The following IGF2BP3 variants were observed in gnomAD, a reference collection of about 807,000 sequenced individuals.
The protein encoded by IGF2BP3 is insulin-like growth factor 2 mRNA-binding protein 3.
IGF2BP3 carries 9 observed loss-of-function variants against 73.8 expected under a neutral mutation model. The observed-to-expected ratio is 0.12, with a 90% CI of 0.07 to 0.21. IGF2BP3 has a LOEUF of 0.21. Among genes scored for constraint, IGF2BP3 ranks in the 10% least tolerant of loss-of-function variants. The pLI, the probability that IGF2BP3 is intolerant of heterozygous loss-of-function variation, is 1.00. For missense variants in IGF2BP3, 542 were observed against 714.0 expected (o/e 0.76, Z 2.75); for synonymous variants, 258 against 256.7 (o/e 1.01, Z -0.05).
chr7:23,370,683 G>GT (rs547962107), intron 3 of IGF2BP3, among the ~76,000 whole-genome samples: 5,725 of 143,510 alleles, frequency 0.04, 252 homozygotes, highest in East Asian at 0.12. Flanking sequence ...TGGTTTTTTT[G>GT]TTTTTTTTTT....
chr7:23,354,103 C>G (rs528135040), intron 5 of IGF2BP3, among the ~76,000 whole-genome samples: 1 of 152,178 alleles, frequency 6.6e-6, no homozygotes, highest in Non-Finnish European at 1.5e-5. Flanking sequence ...AAGCAATTCT[C>G]CTGCCTCGGC....
chr7:23,352,953 TTGTG>T (rs201298469), intron 5 of IGF2BP3, among the ~76,000 whole-genome samples: 3 of 152,184 alleles, frequency 2.0e-5, no homozygotes, highest in East Asian at 3.8e-4. Flanking sequence ...TGTATTCATT[TTGTG>T]TGTGTGTGTT....
intron 3 of IGF2BP3, 128 bp downstream of exon 3, chr7:23,418,648 G>C: frequency 1.8e-6 from 1 of 545,286 alleles, no homozygotes; most frequent in Non-Finnish European, 3.3e-6. Context: ...ACCAAGGCAC[G>C]GGTCATAGGA....
chr7:23,466,827 AT>A (rs1788576964), intron 2 of IGF2BP3, among the ~76,000 whole-genome samples: 1 of 152,234 alleles, frequency 6.6e-6, no homozygotes, highest in Non-Finnish European at 1.5e-5. Context: ...AATTGTAAAA[AT>A]CCAAAACATT....
At chr7:23,345,157 T>C (rs1784799846) in intron 8 of IGF2BP3, among the ~76,000 whole-genome samples, 1 of 152,186 alleles carries the variant, frequency 6.6e-6, no homozygotes. Context: ...AGTTCATCAA[T>C]CTTTTCCCAC....
At chr7:23,385,206 A>C (rs1786043935) in intron 3 of IGF2BP3, among the ~76,000 whole-genome samples, 1 of 152,220 alleles carries the variant, frequency 6.6e-6, no homozygotes, top group African/African-American at 2.4e-5. Context: ...GGCTGCTAAC[A>C]TTACAAAAAG....
intron 2 of IGF2BP3, among the ~76,000 whole-genome samples, chr7:23,448,444 C>T (rs1788115539): frequency 6.6e-6 from 1 of 152,178 alleles, no homozygotes; most frequent in Non-Finnish European, 1.5e-5. Flanking sequence ...GGATCTCACT[C>T]TGTTGCTCAG....
At position 23,331,859 on chromosome 7, in the gene IGF2BP3, G is replaced by GAAAA. The variant is rs35506768; in HGVS notation, c.1203+10201_1203+10204dup. 4.1e-4 allele frequency among the ~76,000 whole-genome samples: 39 copies of GAAAA among 96,024 alleles called. No individual in the cohort carries two copies. The South Asian group carries it at 0.011, about 28-fold the overall frequency. 63.0% of individuals were successfully genotyped at this position (96,024 alleles called of 152,430 possible). On this transcript the variant is annotated intron_variant, in intron 10 of 14. Coordinates refer to ENST00000258729, the MANE Select transcript of IGF2BP3 (RefSeq NM_006547.3). Reference sequence around the variant, plus strand: ...TGGGTGACAGAGCGAAACTGTCTCAGAAAAAAAAAAAAAAGAAAAAAAAAA... The same window carrying GAAAA: ...TGGGTGACAGAGCGAAACTGTCTCAGAAAAAAAAAAAAAAAAAAGAAAAAAAAAA...
chr7:23,368,920 T>TA (rs955041038), intron 3 of IGF2BP3, among the ~76,000 whole-genome samples: 6 of 150,594 alleles, frequency 4.0e-5, no homozygotes, highest in East Asian at 3.9e-4. Context: ...AAAAAAAACT[T>TA]AAAAAAAAAT....
In IGF2BP3 at chr7:23,351,472, C is replaced by T. The variant is rs1360943652; in HGVS notation, c.516G>A (p.Arg172=). ...QNPLQQPRGR[R]GLGQRGSSRQ... The stretch of plus-strand genomic sequence containing the variant: ...TTGAGGAGCCCCTCTGCCCAAGCCC[C>T]CGGCGACCTCGGGGCTGCTGCAAGG... Residue 172 remains arginine, a synonymous_variant, in exon 6 of 15, where the codon CGG becomes CGA. Transcript: ENST00000258729. The T allele has an allele frequency of 7.4e-6, 12 of 1,613,842 alleles. No individual in the cohort carries two copies. The Admixed American group carries it at 2.0e-4, about 27-fold the overall frequency.
At chr7:23,323,527 C>A (rs1376826624) in intron 10 of IGF2BP3, among the ~76,000 whole-genome samples, 3 of 147,360 alleles carry the variant, frequency 2.0e-5, no homozygotes, top group East Asian at 1.9e-4. Flanking sequence ...AGAAAGTCAA[C>A]AAGGATACCC....
chr7:23,339,345 A>G (rs1368781335), intron 10 of IGF2BP3, among the ~76,000 whole-genome samples: 8 of 152,364 alleles, frequency 5.3e-5, no homozygotes, highest in South Asian at 2.1e-4. Flanking sequence ...CTGGAGAAAT[A>G]TAAGTTCTTA....
At chr7:23,327,056 TTAAAGTATAATAAA>T (rs1040641872) in intron 10 of IGF2BP3, among the ~76,000 whole-genome samples, 1 of 150,668 alleles carries the variant, frequency 6.6e-6, no homozygotes, top group African/African-American at 2.5e-5. Flanking sequence ...ACCCTAAAAC[TTAAAGTATAATAAA>T]TAAATTAATT....
rs116325754 is a variant in IGF2BP3, at chr7:23,353,273, T to G, written c.402-1687A>C. On this transcript the variant is annotated intron_variant, in intron 5 of 14. Transcript: ENST00000258729. ...TGCAAATCTACTCTCAATTCTTAAA[T>G]AGAAAAAAGGGGGTGGAGTGGGTGA... Among the ~76,000 whole-genome samples, 903 of 152,006 alleles carry G rather than the reference T, an allele frequency of 5.9e-3. 8 individuals carry two copies. Among genetic ancestry groups the G allele is most frequent in the African/African-American group, 0.02 (845 of 41,432 alleles).
intron 3 of IGF2BP3, among the ~76,000 whole-genome samples, chr7:23,402,010 G>A (rs865957832): frequency 6.6e-6 from 1 of 151,630 alleles, no homozygotes; most frequent in Non-Finnish European, 1.5e-5. Context: ...CCAGCTACTC[G>A]GGAGGCTGAG....
At chr7:23,424,432 C>T (rs1787441524) in intron 2 of IGF2BP3, among the ~76,000 whole-genome samples, 1 of 151,306 alleles carries the variant, frequency 6.6e-6, no homozygotes, top group East Asian at 2.0e-4. Flanking sequence ...AGGAGGCGGA[C>T]ATTGCAGTGA....
chr7:23,424,145 G>A (rs11981953), intron 2 of IGF2BP3, among the ~76,000 whole-genome samples: 7,215 of 150,912 alleles, frequency 0.048, 547 homozygotes, highest in African/African-American at 0.16. Context: ...TTTCAACACA[G>A]TTTAAGGGTT....
intron 10 of IGF2BP3, among the ~76,000 whole-genome samples, chr7:23,323,886 C>G (rs978957264): frequency 2.0e-5 from 3 of 151,548 alleles, no homozygotes; most frequent in Admixed American, 6.6e-5. Context: ...AACAAAGACA[C>G]AACATACCAG....
rs1783866973 is a variant in IGF2BP3 at position 23,312,723 on chromosome 7, G to A, written c.1641+12C>T. The A allele has an allele frequency of 6.4e-7, 1 of 1,553,426 alleles. No individual in the cohort carries two copies. The highest frequency in any genetic ancestry group is 8.9e-7 in the Non-Finnish European group (1 of 1,129,184). On this transcript the variant is annotated intron_variant, in intron 14 of 14. Coordinates refer to ENST00000258729, the MANE Select transcript of IGF2BP3 (RefSeq NM_006547.3). The stretch of plus-strand genomic sequence containing the variant: ...GAGAAAGATACAATAGCTTATTTTA[G>A]AGCCCACTTGCCTGGCAAGCATAGA...
Sources: allele counts gnomAD v4.1 joint callset (sites outside exome capture counted in the v4.1 genomes callset), GRCh38; gene constraint gnomAD v4.1.1; transcripts MANE v1.5; gene names NCBI Gene and HGNC (gene_info 2026-07-23, HGNC 2026-07-21).